NCOR2: variants seen among roughly 807,000 people sequenced by gnomAD.
NCOR2 encodes the protein nuclear receptor corepressor 2, also known as CTG repeat protein 26.
NCOR2 carries 81 observed loss-of-function variants against 262.9 expected under a neutral mutation model. That is an observed-to-expected ratio of 0.31 (90% CI 0.26 to 0.37). The LOEUF (loss-of-function observed/expected upper bound fraction) is 0.37. NCOR2 is among the 10% of genes least tolerant of loss of function. NCOR2 has a pLI of 1.00. For missense variants in NCOR2, 3,385 were observed against 3,621.4 expected (o/e 0.93, Z 1.68); for synonymous variants, 1,659 against 1,559.3 (o/e 1.06, Z -1.51).
At chr12:124,329,575 T>C (rs1437109412) in intron 44 of NCOR2, among the ~76,000 whole-genome samples, 2 of 152,050 alleles carry the variant, frequency 1.3e-5, no homozygotes, top group Non-Finnish European at 2.9e-5. Flanking sequence ...AGCCTGTCTC[T>C]ACAAAAAAGA....
At chr12:124,497,170 A>G (rs945887728), upstream of NCOR2, among the ~76,000 whole-genome samples, 2 of 152,268 alleles carry the variant, frequency 1.3e-5, no homozygotes, top group African/African-American at 2.4e-5. The surrounding 1 kb of genome is among the most constrained non-coding windows in gnomAD (Gnocchi z 4.2). Context: ...GGAAAGAAGG[A>G]GTCACAGAGG....
intron 23 of NCOR2, 74 bp from the exon 26 acceptor site, chr12:124,355,645 C>T (rs1023561468): frequency 5.7e-5 from 84 of 1,465,690 alleles, no homozygotes; most frequent in Non-Finnish European, 1.2e-5. Context: ...CTCCAGGCTG[C>T]ACTCCACCTC....
chr12:124,515,709 CTGTG>C (rs531502817), intron 1 of NCOR2, among the ~76,000 whole-genome samples: 1 of 151,596 alleles, frequency 6.6e-6, no homozygotes, highest in East Asian at 1.9e-4. Flanking sequence ...GTTCGTGTGA[CTGTG>C]TGTATGGTGT....
At chr12:124,446,907 A>G (rs992620973) in intron 7 of NCOR2, among the ~76,000 whole-genome samples, 1 of 151,908 alleles carries the variant, frequency 6.6e-6, no homozygotes, top group Non-Finnish European at 1.5e-5. Context: ...TTTGTTTTAT[A>G]TTATACTATA....
chr12:124,492,038 A>T (rs773308909), intron 1 of NCOR2, among the ~76,000 whole-genome samples: 9 of 152,280 alleles, frequency 5.9e-5, no homozygotes, highest in Non-Finnish European at 1.3e-4. Context: ...CACCCAACTA[A>T]GTGAAGCCTC....
chr12:124,377,082 A>G (rs1375703167), intron 18 of NCOR2, among the ~76,000 whole-genome samples: 1 of 152,224 alleles, frequency 6.6e-6, no homozygotes. Flanking sequence ...GTGCGGGGCC[A>G]GGTGTCGGCA....
chr12:124,341,934 G>T (rs1339361677), exon 34 of NCOR2: 5 of 1,613,228 alleles, frequency 3.1e-6, no homozygotes, highest in Non-Finnish European at 3.4e-6. Flanking sequence ...TGCATCTGCT[G>T]CGAGGTGATG....
At position 124,354,210 on chromosome 12, in the gene NCOR2, G is replaced by C. The variant is rs376814929; in HGVS notation, c.3590-14C>G. 11 of 1,582,416 alleles carry C rather than the reference G, an allele frequency of 7.0e-6. No individual in the cohort carries two copies. In the African/African-American group the frequency reaches 1.3e-4, roughly 19 times the overall value. ...CCAGAGCTGTCCCTGGAAGACACAA[G>C]ATGTGGGGCTGAGGGCGTGTCTGTG... On this transcript the variant is annotated splice_polypyrimidine_tract_variant and intron_variant, in intron 26 of 46. Transcript: ENST00000405201.
intron 7 of NCOR2, among the ~76,000 whole-genome samples, chr12:124,438,778 C>CAGAGAGAGAGAGAGAG (rs56072801): frequency 1.2e-4 from 7 of 59,994 alleles, no homozygotes; most frequent in Non-Finnish European, 2.0e-4. Flanking sequence ...CCCAGAGAGA[C>CAGAGAGAGAGAGAGAG]AGAGAGAGAG....
chr12:124,473,030 C>T lies in NCOR2; in HGVS notation c.513G>A (p.Glu171=), dbSNP rs2046907387. Residue 171 remains glutamate (E), a synonymous_variant, in exon 4 of 47, where the codon GAG becomes GAA. Transcript: ENST00000405201. Reference sequence around the variant, plus strand: ...CCACGCGGTCCATGTTCTGGATCAGCTCCTCCTTGGACAGCCGTGGCGGCA... The same window carrying T: ...CCACGCGGTCCATGTTCTGGATCAGTTCCTCCTTGGACAGCCGTGGCGGCA... 1.2e-5 allele frequency: 19 copies of T among 1,614,078 alleles called. No individual in the cohort carries two copies. In the East Asian group the frequency reaches 4.0e-4, roughly 34 times the overall value.
At chr12:124,562,788 T>A (rs147867055) in intron 1 of NCOR2, among the ~76,000 whole-genome samples, 71 of 152,260 alleles carry the variant, frequency 4.7e-4, no homozygotes, top group African/African-American at 1.6e-3. Context: ...GAGGGAGGAA[T>A]GGTTGATATC....
Position 124,340,175 on chromosome 12 carries a change from C to CGCCACTGCT in NCOR2, c.5517_5518insAGCAGTGGC (p.Ser1837_Gly1839dup), listed in dbSNP as rs1555301111. ...GGGCGGCTGCTGCTGCCCCCACCCC[C>CGCCACTGCT]GCCGCTGCTGCCGCTGCTCTGCTCT... On this transcript the variant is annotated inframe_insertion, in exon 37 of 47. Transcript: ENST00000405201. The CGCCACTGCT allele has an allele frequency of 1.6e-5, 25 of 1,553,700 alleles. No individual in the cohort carries two copies. In the East Asian group the frequency reaches 2.2e-4, roughly 13 times the overall value.
intron 19 of NCOR2, 89 bp downstream of exon 21, chr12:124,374,324 G>C: frequency 7.4e-7 from 1 of 1,351,100 alleles, no homozygotes; most frequent in Middle Eastern, 2.4e-4. Flanking sequence ...CATGTGCTCA[G>C]AAGCGGGGTT....
chr12:124,453,192 G>A (rs563411332), intron 6 of NCOR2, among the ~76,000 whole-genome samples: 1 of 152,290 alleles, frequency 6.6e-6, no homozygotes, highest in African/African-American at 2.4e-5. Context: ...AAGGCCTGGC[G>A]GCTCCCAGCC....
chr12:124,402,111 G>T (rs1593382239), intron 14 of NCOR2, among the ~76,000 whole-genome samples: 1 of 152,188 alleles, frequency 6.6e-6, no homozygotes, highest in Non-Finnish European at 1.5e-5. Context: ...TCATTGCCTG[G>T]ATTTATTAGC....
Position 124,503,745 on chromosome 12 carries a change from T to C in NCOR2, c.-117-8377A>G, listed in dbSNP as rs1241624719. Among the ~76,000 whole-genome samples, 2 of 147,928 alleles carry C rather than the reference T, an allele frequency of 1.4e-5. No individual in the cohort carries two copies. The highest frequency in any genetic ancestry group is 4.1e-4 in the East Asian group (2 of 4,868). The stretch of plus-strand genomic sequence containing the variant: ...ATGGATGGATGGATGGACGGATGGA[T>C]GCATGGATGCATGGATGGATGGATG... On this transcript the variant is annotated intron_variant, in intron 1 of 46. Transcript: ENST00000404621. This position sits in a 1 kb window ranked among gnomAD's most constrained non-coding sequence, Gnocchi z 4.3.
chr12:124,371,966 G>A (rs913467509), intron 20 of NCOR2, 56 bp downstream of exon 22: 14 of 1,491,926 alleles, frequency 9.4e-6, no homozygotes, highest in Admixed American at 6.1e-5. Context: ...GTAGGTAGTC[G>A]CTGCTCAGTG....
At chr12:124,485,105 C>T (rs746856335) in intron 2 of NCOR2, among the ~76,000 whole-genome samples, 1 of 152,214 alleles carries the variant, frequency 6.6e-6, no homozygotes. Context: ...TGGCAGGAAG[C>T]GCATGGTGTT....
intron 31 of NCOR2, 102 bp from the exon 34 acceptor site, chr12:124,345,053 G>GAAGT: frequency 9.1e-7 from 1 of 1,096,006 alleles, no homozygotes; most frequent in Non-Finnish European, 1.3e-6. Context: ...CTATAAGATG[G>GAAGT]AAGTGACATC....
Sources: gnomAD v4.1 joint callset for allele counts (sites outside exome capture counted in the v4.1 genomes callset) on GRCh38, gnomAD v4.1.1 for gene constraint, Gnocchi (gnomAD v3.1) non-coding constraint, MANE v1.5 for transcripts, NCBI Gene and HGNC (gene_info 2026-07-23, HGNC 2026-07-21) for gene names.